ATP13A3: variants seen among roughly 807,000 people sequenced by gnomAD.
ATP13A3 encodes the protein ATPase 13A3.
Under a neutral mutation model 158.1 loss-of-function variants are expected in ATP13A3, and 59 were observed. The ratio of observed to expected loss-of-function variants is 0.37; its 90% CI spans 0.30 to 0.46. The LOEUF (loss-of-function observed/expected upper bound fraction) is 0.46. Among genes scored for constraint, ATP13A3 ranks in the 20% least tolerant of loss-of-function variants. The probability of loss-of-function intolerance (pLI) is 1.00; values close to 1 mark genes in which losing one functional copy is unlikely to be tolerated. For synonymous variants in ATP13A3, 491 were observed against 504.3 expected (o/e 0.97, Z 0.35); for missense variants, 1,166 against 1,525.2 (o/e 0.76, Z 3.92).
rs1157318397 is a variant in ATP13A3, at chr3:194,448,808, G to C, written c.971-172C>G. Among the ~76,000 whole-genome samples, 1 of 152,096 alleles carries C rather than the reference G, an allele frequency of 6.6e-6. No homozygotes were observed. The highest frequency in any genetic ancestry group is 1.5e-5 in the Non-Finnish European group (1 of 68,010). ...TGTGGACAACATGGCTTAATTTTTT[G>C]TCTACCAATTTCCTCACATAGAAGT... On this transcript the variant is annotated intron_variant, in intron 11 of 33. Transcript: ENST00000645319. This position sits in a 1 kb window ranked among gnomAD's most constrained non-coding sequence, Gnocchi z 4.0.
At position 194,431,811 on chromosome 3, in the gene ATP13A3, G is replaced by A. The variant is rs1201615698; in HGVS notation, c.2327C>T (p.Ala776Val). 1.2e-6 allele frequency: 2 copies of A among 1,613,232 alleles called. No homozygotes were observed. The highest frequency in any genetic ancestry group is 1.7e-6 in the Non-Finnish European group (2 of 1,179,634). The change falls in exon 22 of 34, where the codon GCA becomes GTA. Residue 776 changes from alanine to valine, a missense_variant. This residue lies in a region of ATP13A3 where 997 missense variants were observed against 1,341.2 expected (regional missense o/e 0.74). Coordinates refer to ENST00000645319, the MANE Select transcript of ATP13A3 (RefSeq NM_001367549.1). ...AACTTTCCCATCCTTTGGAGGTAAT[G>A]CTTCAGCAATAATCACTTTATCCTG... ...LPQDKVIIAE[A>V]LPPKDGKVAK...
rs544166347 is a variant in ATP13A3, at chr3:194,431,272, A to T, written c.2422-46T>A. On this transcript the variant is annotated intron_variant, in intron 22 of 33. Coordinates refer to ENST00000645319, the MANE Select transcript of ATP13A3 (RefSeq NM_001367549.1). The stretch of plus-strand genomic sequence containing the variant: ...GAACAATATTTAGGCAACCAAACCA[A>T]GTAAAACAATTCTATTTTAAACATA... 12 of 1,532,866 alleles carry T rather than the reference A, an allele frequency of 7.8e-6. No homozygotes were observed. In the South Asian group the frequency reaches 1.2e-4, roughly 16 times the overall value. 95.0% of individuals were successfully genotyped at this position (1,532,866 alleles called of 1,614,324 possible). A position where few individuals can be genotyped will look rare whatever the true frequency, so the allele number is the denominator to read the frequency against.
rs1375572914 is a variant in ATP13A3, at chr3:194,486,982, A to AGC, written c.-507_-506dup. ...GGGAGAGCCGGCAGGCAGGCGGGGG[A>AGC]GCGCGCGCGGGCTCAGGACTCCCGC... On this transcript the variant is annotated 5_prime_UTR_variant, in exon 1 of 34. Transcript: ENST00000645319. 2.7e-5 allele frequency: 4 copies of AGC among 150,940 alleles called. No individual in the cohort carries two copies. The highest frequency in any genetic ancestry group is 2.1e-4 in the South Asian group (1 of 4,776). The allele number at this position is 150,940 out of a possible 1,614,324, so 9.4% of individuals were successfully genotyped here.
intron 30 of ATP13A3, among the ~76,000 whole-genome samples, chr3:194,421,120 ATATATATATATATATAG>A (rs1560074783): frequency 8.0e-4 from 30 of 37,520 alleles, no homozygotes; most frequent in African/African-American, 1.1e-3. Context: ...GGGTGTATAT[ATATATATATATATATAG>A]TATATATATA....
intron 2 of ATP13A3, among the ~76,000 whole-genome samples, chr3:194,484,556 C>T (rs918601343): frequency 6.8e-6 from 1 of 146,242 alleles, no homozygotes; most frequent in Non-Finnish European, 1.5e-5. Flanking sequence ...GATGGGGACG[C>T]CCTATGGAAC....
intron 31 of ATP13A3, among the ~76,000 whole-genome samples, chr3:194,415,450 ATCTAAACCCC>A (rs1715764156): frequency 6.6e-6 from 1 of 152,182 alleles, no homozygotes. Context: ...GTAAGTGCTT[ATCTAAACCCC>A]TCAATGAAAT....
chr3:194,422,537 A>T (rs1716464907), intron 30 of ATP13A3, among the ~76,000 whole-genome samples: 1 of 152,200 alleles, frequency 6.6e-6, no homozygotes, highest in Non-Finnish European at 1.5e-5. Context: ...GGGATATGAT[A>T]AGGATTCTGT....
At position 194,429,096 on chromosome 3, in the gene ATP13A3, T is replaced by C. The variant is rs950210185; in HGVS notation, c.2875-179A>G. Among the ~76,000 whole-genome samples, 12 of 152,192 alleles carry C rather than the reference T, an allele frequency of 7.9e-5. No homozygotes were observed. In the South Asian group the frequency reaches 2.5e-3, roughly 32 times the overall value. The stretch of plus-strand genomic sequence containing the variant: ...TAAATATAACATATATTTATAAATA[T>C]TTGATTTAGTATATTAGTATAAAAG... On this transcript the variant is annotated intron_variant, in intron 27 of 33. Transcript: ENST00000645319.
At chr3:194,442,653 CACAAGG>C (rs1370018639) in intron 15 of ATP13A3, among the ~76,000 whole-genome samples, 1 of 151,842 alleles carries the variant, frequency 6.6e-6, no homozygotes, top group Non-Finnish European at 1.5e-5. Context: ...GAAAACAAAA[CACAAGG>C]AAAAGGCCAT....
At chr3:194,440,160 A>G (rs192434310) in intron 16 of ATP13A3, among the ~76,000 whole-genome samples, 1 of 152,320 alleles carries the variant, frequency 6.6e-6, no homozygotes, top group East Asian at 1.9e-4. Flanking sequence ...AAATATGGAA[A>G]CAAAGGGCAA....
At chr3:194,472,435 C>G (rs1720347020) in intron 2 of ATP13A3, among the ~76,000 whole-genome samples, 2 of 152,150 alleles carry the variant, frequency 1.3e-5, no homozygotes, top group African/African-American at 2.4e-5. Flanking sequence ...TTGAGCTACA[C>G]AAGCATAGCC....
At chr3:194,452,137 T>G (rs1426935274) in intron 10 of ATP13A3, 1 of 152,408 alleles carries the variant, frequency 6.6e-6, no homozygotes, top group Non-Finnish European at 1.5e-5. Flanking sequence ...GGCAGATCAC[T>G]TGAGGCCAGG....
rs202196764 is a variant in ATP13A3, at chr3:194,444,832, C to CA, written c.1498-47dup. Reference sequence around the variant, plus strand: ...CATGCACAAAGTATGGATGATGCCTCAAAAAAAAACCCAAAAATAAAAATA... The same window carrying CA: ...CATGCACAAAGTATGGATGATGCCTCAAAAAAAAAACCCAAAAATAAAAATA... On this transcript the variant is annotated intron_variant, in intron 14 of 33. Transcript: ENST00000645319. The CA allele has an allele frequency of 3.2e-3, 4,461 of 1,388,172 alleles. 4 individuals are homozygous for CA. The highest frequency in any genetic ancestry group is 6.7e-3 in the Middle Eastern group (36 of 5,350). 86.0% of individuals were successfully genotyped at this position (1,388,172 alleles called of 1,614,324 possible).
At chr3:194,463,099 A>G in intron 2 of ATP13A3, among the ~76,000 whole-genome samples, 1 of 152,234 alleles carries the variant, frequency 6.6e-6, no homozygotes, top group East Asian at 1.9e-4. Flanking sequence ...AATATTTACT[A>G]AGCACCAATT....
At position 194,448,335 on chromosome 3, in the gene ATP13A3, C is replaced by T. The variant is rs2108899645; in HGVS notation, c.1150+122G>A. 2 of 1,195,764 alleles carry T rather than the reference C, an allele frequency of 1.7e-6. No individual in the cohort carries two copies. Among genetic ancestry groups the T allele is most frequent in the East Asian group, 4.9e-5 (2 of 41,168 alleles). The allele number at this position is 1,195,764 out of a possible 1,614,324, so 74.1% of individuals were successfully genotyped here. A position where few individuals can be genotyped will look rare whatever the true frequency, so the allele number is the denominator to read the frequency against. On this transcript the variant is annotated intron_variant, in intron 12 of 33. Transcript: ENST00000645319. This position sits in a 1 kb window ranked among gnomAD's most constrained non-coding sequence, Gnocchi z 4.0. The stretch of plus-strand genomic sequence containing the variant: ...CCTCATGATCCGCCCACCTCGGCTT[C>T]CCAAAGTGCTGGGATTACAGGCGTT...
chr3:194,467,180 C>T (rs1243459599), intron 2 of ATP13A3, among the ~76,000 whole-genome samples: 4 of 152,220 alleles, frequency 2.6e-5, no homozygotes, highest in African/African-American at 7.2e-5. Context: ...AAAGGAACTG[C>T]CGTTAAAATC....
chr3:194,444,627 G>A (rs992475880), intron 15 of ATP13A3, 98 bp downstream of exon 15: 1 of 994,200 alleles, frequency 1.0e-6, no homozygotes, highest in Non-Finnish European at 1.5e-6. Flanking sequence ...TCCTGGTATA[G>A]GTACACAGTT....
At chr3:194,487,263 G>C (rs987309954), upstream of ATP13A3, among the ~76,000 whole-genome samples, 3 of 152,136 alleles carry the variant, frequency 2.0e-5, no homozygotes, top group Non-Finnish European at 4.4e-5. Context: ...AAATGGAACG[G>C]CAAATCCCAC....
chr3:194,435,414 G>A (rs1042073066), intron 20 of ATP13A3, among the ~76,000 whole-genome samples: 6 of 151,674 alleles, frequency 4.0e-5, no homozygotes, highest in African/African-American at 1.2e-4. Context: ...CAATATTCAA[G>A]ATATAAAGGC....
Sources: gnomAD v4.1 joint callset for allele counts (sites outside exome capture counted in the v4.1 genomes callset) on GRCh38, gnomAD v4.1.1 for gene constraint, gnomAD v4.1.1 regional missense constraint, Gnocchi (gnomAD v3.1) non-coding constraint, MANE v1.5 for transcripts, NCBI Gene and HGNC (gene_info 2026-07-23, HGNC 2026-07-21) for gene names.